Variants in AAMDC observed in about 807,000 individuals in gnomAD.
AAMDC encodes mth938 domain-containing protein.
In AAMDC, 16 loss-of-function variants were observed where a neutral mutation model predicts 15.5. The observed-to-expected ratio is 1.03, with a 90% confidence interval of 0.70 to 1.57. AAMDC has a LOEUF of 1.57. Ranked by LOEUF, AAMDC falls within the 40% of genes most tolerant of loss-of-function variation. AAMDC has a pLI of 0.00. For synonymous variants in AAMDC, 51 were observed against 51.6 expected, an observed-to-expected ratio of 0.99 and a Z score of 0.05; for missense variants, 141 against 144.9, an observed-to-expected ratio of 0.97 and a Z score of 0.14.
chr11:77,901,395 A>T, downstream of AAMDC: 1 of 1,613,396 alleles, frequency 6.2e-7, no homozygotes, highest in Non-Finnish European at 8.5e-7. Flanking sequence ...AACATGCCAC[A>T]TATTTTGGCC....
intron 2 of AAMDC, among the ~76,000 whole-genome samples, chr11:77,860,305 C>A (rs1308637987): frequency 6.6e-6 from 1 of 152,202 alleles, no homozygotes; most frequent in African/African-American, 2.4e-5. Context: ...TTTCACCATA[C>A]CTGGGAATCC....
chr11:77,864,908 T>C (rs559297891), intron 2 of AAMDC, among the ~76,000 whole-genome samples: 1 of 152,174 alleles, frequency 6.6e-6, no homozygotes, highest in African/African-American at 2.4e-5. Context: ...GCCTGGGAGA[T>C]TGAGGCTGCA....
At chr11:77,887,974 A>C (rs1379504309) in intron 5 of AAMDC, among the ~76,000 whole-genome samples, 2 of 152,236 alleles carry the variant, frequency 1.3e-5, no homozygotes, top group African/African-American at 2.4e-5. Flanking sequence ...GGAAGAATCA[A>C]TATTGTGAAA....
rs71046921 is a variant in AAMDC, at chr11:77,895,527, GAAAAAAAAAAAAAAAAA to G, written c.329-5030_329-5014del. On this transcript the variant is annotated intron_variant, in intron 5 of 5. Transcript: ENST00000304716. ...CAACATTCATTCTAATTCTTTTCCT[GAAAAAAAAAAAAAAAAA>G]AAAAAAAAAAAAAGTAGCACTTGAA... 8.4e-4 allele frequency among the ~76,000 whole-genome samples: 33 copies of G among 39,268 alleles called. No individual in the cohort carries two copies. In the East Asian group the frequency reaches 0.015, roughly 18 times the overall value. 25.8% of individuals were successfully genotyped at this position (39,268 alleles called of 152,430 possible).
At chr11:77,867,267 T>C (rs1399098856) in intron 2 of AAMDC, among the ~76,000 whole-genome samples, 1 of 152,156 alleles carries the variant, frequency 6.6e-6, no homozygotes, top group East Asian at 1.9e-4. Context: ...GCTCTTTTCC[T>C]ATACCATCTC....
At chr11:77,822,230 T>C (rs1364003772) in intron 1 of AAMDC, among the ~76,000 whole-genome samples, 1 of 151,832 alleles carries the variant, frequency 6.6e-6, no homozygotes, top group Non-Finnish European at 1.5e-5. Flanking sequence ...ACCTGAGCTC[T>C]GCAGTTCCAG....
chr11:77,880,042 C>T (rs1951732738), intron 5 of AAMDC, among the ~76,000 whole-genome samples: 1 of 152,150 alleles, frequency 6.6e-6, no homozygotes, highest in Non-Finnish European at 1.5e-5. Context: ...TTCTATTAAC[C>T]ACAAGCTTCT....
At chr11:77,827,759 G>A (rs1487948353) in intron 1 of AAMDC, among the ~76,000 whole-genome samples, 1 of 152,114 alleles carries the variant, frequency 6.6e-6, no homozygotes, top group Non-Finnish European at 1.5e-5. Flanking sequence ...TATACTGGAG[G>A]TTGTAGCCAG....
intron 2 of AAMDC, among the ~76,000 whole-genome samples, chr11:77,861,170 GA>G (rs1950860796): frequency 6.6e-6 from 1 of 152,218 alleles, no homozygotes; most frequent in South Asian, 2.1e-4. Context: ...TCAAGCAGGG[GA>G]CAACAAATGG....
intron 1 of AAMDC, among the ~76,000 whole-genome samples, chr11:77,827,853 G>GT (rs1217903319): frequency 6.6e-6 from 1 of 152,172 alleles, no homozygotes; most frequent in Non-Finnish European, 1.5e-5. Context: ...TACTGATCTT[G>GT]TATGTAGGAA....
At chr11:77,857,961 T>C (rs551342583) in intron 2 of AAMDC, among the ~76,000 whole-genome samples, 2 of 152,146 alleles carry the variant, frequency 1.3e-5, no homozygotes, top group Non-Finnish European at 2.9e-5. Context: ...CCCAAAGTGC[T>C]GGGATTACAG....
chr11:77,823,059 A>G (rs1286258491), intron 1 of AAMDC, among the ~76,000 whole-genome samples: 2 of 151,942 alleles, frequency 1.3e-5, no homozygotes, highest in Non-Finnish European at 2.9e-5. Context: ...CTAAAAATAC[A>G]AAAAATTAGC....
At chr11:77,841,499 C>T (rs1370675740) in intron 1 of AAMDC, among the ~76,000 whole-genome samples, 1 of 152,144 alleles carries the variant, frequency 6.6e-6, no homozygotes, top group East Asian at 1.9e-4. Flanking sequence ...CTTTCTCTCT[C>T]TACTGATGGA....
chr11:77,865,435 T>C (rs918299796), intron 2 of AAMDC, among the ~76,000 whole-genome samples: 2 of 152,222 alleles, frequency 1.3e-5, no homozygotes, highest in African/African-American at 4.8e-5. Context: ...GTTGTAGGCA[T>C]GGCAGGGCTC....
chr11:77,840,885 G>T, intron 1 of AAMDC: 1 of 291,212 alleles, frequency 3.4e-6, no homozygotes, highest in Non-Finnish European at 6.4e-6. Context: ...TTATTTGTGT[G>T]TGGGGGTTTA....
chr11:77,878,712 A>T, intron 5 of AAMDC: 1 of 695,350 alleles, frequency 1.4e-6, no homozygotes, highest in South Asian at 1.5e-5. Flanking sequence ...ACCAGGAACT[A>T]GAACAGCTTG....
intron 1 of AAMDC, among the ~76,000 whole-genome samples, chr11:77,838,311 T>C (rs1565199803): frequency 6.6e-6 from 1 of 152,214 alleles, no homozygotes; most frequent in Non-Finnish European, 1.5e-5. Flanking sequence ...ACATACCTTG[T>C]AGATATGGTT....
intron 5 of AAMDC, among the ~76,000 whole-genome samples, chr11:77,878,276 G>A (rs1283397865): frequency 6.6e-6 from 1 of 151,768 alleles, no homozygotes; most frequent in Non-Finnish European, 1.5e-5. Context: ...GCAGGAGAAT[G>A]GCTTGAACCC....
intron 2 of AAMDC, among the ~76,000 whole-genome samples, chr11:77,864,653 A>G (rs1049381049): frequency 6.6e-6 from 1 of 152,134 alleles, no homozygotes; most frequent in African/African-American, 2.4e-5. Context: ...CTCCTATCTC[A>G]TGTACAATCC....
Sources: gnomAD v4.1 joint callset for allele counts (sites outside exome capture counted in the v4.1 genomes callset) on GRCh38, gnomAD v4.1.1 for gene constraint, MANE v1.5 for transcripts, NCBI Gene and HGNC (gene_info 2026-07-23, HGNC 2026-07-21) for gene names.